PPP2R2B: variants seen among roughly 807,000 people sequenced by gnomAD.
PPP2R2B encodes serine/threonine-protein phosphatase 2A 55 kDa regulatory subunit B beta isoform.
Under a neutral mutation model 46.0 loss-of-function variants are expected in PPP2R2B, and 5 were observed. That is an observed-to-expected ratio of 0.11 (90% confidence interval 0.06 to 0.23). The LOEUF (loss-of-function observed/expected upper bound fraction) is 0.23, where lower values mean the gene tolerates loss of function less well. PPP2R2B is among the 10% of genes least tolerant of loss of function. The pLI is 1.00. For missense variants in PPP2R2B, 367 were observed against 575.0 expected, an observed-to-expected ratio of 0.64 and a Z score of 3.70; for synonymous variants, 215 against 206.7, an observed-to-expected ratio of 1.04 and a Z score of -0.34.
intron 1 of PPP2R2B, among the ~76,000 whole-genome samples, chr5:146,908,942 A>T (rs762785137): frequency 3.3e-5 from 5 of 152,136 alleles, no homozygotes; most frequent in African/African-American, 4.8e-5. Flanking sequence ...CTGGGATTAC[A>T]GGGGTGGGCC....
rs191245779 is a variant in PPP2R2B at position 146,786,458 on chromosome 5, G to T, written c.71-85316C>A. Among the ~76,000 whole-genome samples the T allele has an allele frequency of 4.6e-3, 696 of 152,298 alleles. 1 individual carries two copies. Among genetic ancestry groups the T allele is most frequent in the Non-Finnish European group, 8.6e-3 (582 of 68,024 alleles). On this transcript the variant is annotated intron_variant, in intron 2 of 9. Coordinates refer to ENST00000394411, the MANE Select transcript of PPP2R2B (RefSeq NM_181675.4). ...CCACATCCTGATAAGGAAGACAGAT[G>T]CTGCCACTTCCTGAAACCCCTGGCT...
At chr5:146,651,065 T>TG (rs1049027282) in intron 5 of PPP2R2B, among the ~76,000 whole-genome samples, 1 of 152,170 alleles carries the variant, frequency 6.6e-6, no homozygotes, top group Non-Finnish European at 1.5e-5. Flanking sequence ...ATTTTTTTTT[T>TG]AAACATGAAA....
At chr5:146,840,903 T>G (rs1033526406) in intron 2 of PPP2R2B, among the ~76,000 whole-genome samples, 1 of 152,258 alleles carries the variant, frequency 6.6e-6, no homozygotes, top group Non-Finnish European at 1.5e-5. Context: ...GCTTACTCTG[T>G]AGGAAGGGAG....
In PPP2R2B at chr5:146,837,884, G is replaced by T. The variant is rs191212194; in HGVS notation, c.70+40118C>A. 1.8e-3 allele frequency among the ~76,000 whole-genome samples: 279 copies of T among 152,270 alleles called. 3 individuals are homozygous for T. The highest frequency in any genetic ancestry group is 3.5e-4 in the Non-Finnish European group (24 of 68,008). ...TTCTCAAATTGATGAAGGTAGAGAA[G>T]AATGGTATCAGAGAAACTGATTAAG... is the stretch of plus-strand genomic sequence containing the variant. On this transcript the variant is annotated intron_variant, in intron 2 of 9. Transcript: ENST00000394411.
At chr5:147,013,923 G>T (rs1281068762) in intron 1 of PPP2R2B, among the ~76,000 whole-genome samples, 3 of 147,888 alleles carry the variant, frequency 2.0e-5, no homozygotes, top group Non-Finnish European at 4.5e-5. Context: ...CACAGCAAAA[G>T]AAACTACCAT....
At chr5:146,960,155 A>G (rs1460673230) in intron 1 of PPP2R2B, among the ~76,000 whole-genome samples, 3 of 152,102 alleles carry the variant, frequency 2.0e-5, no homozygotes, top group Non-Finnish European at 4.4e-5. Context: ...ACCTGACTAT[A>G]ATTCTCCCTC....
intron 2 of PPP2R2B, among the ~76,000 whole-genome samples, chr5:147,078,952 G>C (rs943347783): frequency 1.2e-4 from 19 of 152,028 alleles, no homozygotes; most frequent in African/African-American, 4.3e-4. Flanking sequence ...ATTCACTTGA[G>C]CTTCATTTTC....
intron 1 of PPP2R2B, among the ~76,000 whole-genome samples, chr5:146,934,447 T>G (rs1764072611): frequency 6.6e-6 from 1 of 151,894 alleles, no homozygotes; most frequent in South Asian, 2.1e-4. Context: ...GATAAGCATT[T>G]TTTCATGTGT....
chr5:147,045,788 C>T (rs1756517306), intron 1 of PPP2R2B, among the ~76,000 whole-genome samples: 1 of 152,128 alleles, frequency 6.6e-6, no homozygotes, highest in South Asian at 2.1e-4. Context: ...ATCTTGGTCT[C>T]TGTGCTCCAG....
chr5:147,055,897 T>A, exon 1 of PPP2R2B: 1 of 1,443,562 alleles, frequency 6.9e-7, no homozygotes, highest in Non-Finnish European at 9.1e-7. Flanking sequence ...TAACTGGAGA[T>A]GGGTCCCATT....
chr5:146,981,086 T>TA (rs1753153207), intron 1 of PPP2R2B, among the ~76,000 whole-genome samples: 1 of 152,210 alleles, frequency 6.6e-6, no homozygotes, highest in South Asian at 2.1e-4. Flanking sequence ...GTTTATTGTA[T>TA]GTCTCCCACT....
At chr5:146,944,012 A>G (rs1764403903) in intron 1 of PPP2R2B, among the ~76,000 whole-genome samples, 1 of 152,218 alleles carries the variant, frequency 6.6e-6, no homozygotes, top group South Asian at 2.1e-4. Context: ...CAAGTGGATG[A>G]CATTTCCTGT....
At chr5:146,683,296 G>A (rs962295982) in intron 5 of PPP2R2B, among the ~76,000 whole-genome samples, 1 of 152,106 alleles carries the variant, frequency 6.6e-6, no homozygotes, top group Non-Finnish European at 1.5e-5. Context: ...ATGTGTTTTG[G>A]CTTACACTGA....
In PPP2R2B at chr5:146,687,402, G is replaced by A. The variant is rs77301623; in HGVS notation, c.447+3726C>T. Among the ~76,000 whole-genome samples the A allele has an allele frequency of 3.4e-3, 512 of 152,162 alleles. 3 individuals are homozygous for A. The highest frequency in any genetic ancestry group is 0.011 in the African/African-American group (476 of 41,526). On this transcript the variant is annotated intron_variant, in intron 5 of 9. Transcript: ENST00000394411. ...TACTTAACTGCTTGGAGCCTCATTT[G>A]TTAAATGGGCATTTTAACACCCTTT... is the stretch of plus-strand genomic sequence containing the variant.
intron 2 of PPP2R2B, among the ~76,000 whole-genome samples, chr5:146,773,175 T>C (rs1355058532): frequency 6.6e-6 from 1 of 152,214 alleles, no homozygotes; most frequent in Non-Finnish European, 1.5e-5. Flanking sequence ...CTGATGGAAT[T>C]TTAAATCAGC....
chr5:146,741,078 C>T (rs1483493359), intron 2 of PPP2R2B, among the ~76,000 whole-genome samples: 1 of 151,542 alleles, frequency 6.6e-6, no homozygotes, highest in African/African-American at 2.4e-5. Context: ...CACCCCAGTT[C>T]TACTGAATCA....
chr5:146,828,019 G>GAGAGACAGAGAC, intron 2 of PPP2R2B, among the ~76,000 whole-genome samples: 1 of 145,336 alleles, frequency 6.9e-6, no homozygotes, highest in Non-Finnish European at 1.5e-5. Context: ...GAGAGAGAGA[G>GAGAGACAGAGAC]AGAGACAGAG....
chr5:147,021,557 G>T (rs1755268036), intron 1 of PPP2R2B, among the ~76,000 whole-genome samples: 1 of 152,160 alleles, frequency 6.6e-6, no homozygotes, highest in Admixed American at 6.5e-5. Flanking sequence ...AACTGAGAGA[G>T]CTTCCATGTG....
At chr5:146,794,556 TG>T (rs1479406688) in intron 2 of PPP2R2B, among the ~76,000 whole-genome samples, 1 of 152,214 alleles carries the variant, frequency 6.6e-6, no homozygotes, top group Non-Finnish European at 1.5e-5. Flanking sequence ...TTTTTAGTTC[TG>T]ACTAAATAGA....
Sources: gnomAD v4.1 joint callset for allele counts (sites outside exome capture counted in the v4.1 genomes callset) on GRCh38, gnomAD v4.1.1 for gene constraint, MANE v1.5 for transcripts, NCBI Gene and HGNC (gene_info 2026-07-23, HGNC 2026-07-21) for gene names.